Variants in P3H2 observed in about 807,000 individuals in gnomAD.
The protein encoded by P3H2 is leprecan-like 1.
A neutral mutation model predicts 87.0 loss-of-function variants in P3H2; 80 were observed. That is an observed-to-expected ratio of 0.92 (90% CI 0.77 to 1.11). The LOEUF (loss-of-function observed/expected upper bound fraction) is 1.11. Among genes scored for constraint, P3H2 ranks in the 50% least tolerant of loss-of-function variants. The pLI is 0.00. For synonymous variants in P3H2, 367 were observed against 359.3 expected (o/e 1.02, Z -0.24); for missense variants, 1,001 against 923.9 (o/e 1.08, Z -1.08).
At chr3:189,982,907 A>G (rs991066460) in intron 8 of P3H2, 139 bp downstream of exon 8, 1 of 596,314 alleles carries the variant, frequency 1.7e-6, no homozygotes, top group South Asian at 2.4e-5. Context: ...TTGCTTTCAG[A>G]CTATTAGGGA....
intron 1 of P3H2, among the ~76,000 whole-genome samples, chr3:190,012,766 CTGTTA>C (rs1724634040): frequency 6.6e-6 from 1 of 152,200 alleles, no homozygotes; most frequent in South Asian, 2.1e-4. Flanking sequence ...TAATCATCCA[CTGTTA>C]TGTCTGTATT....
chr3:189,969,118 A>G, intron 13 of P3H2: 2 of 551,248 alleles, frequency 3.6e-6, no homozygotes, highest in Non-Finnish European at 6.7e-6. Context: ...AGTGAGCAGT[A>G]AACTTTTGGC....
intron 8 of P3H2, among the ~76,000 whole-genome samples, chr3:189,977,118 G>A (rs1723372785): frequency 6.6e-6 from 1 of 152,126 alleles, no homozygotes; most frequent in African/African-American, 2.4e-5. Flanking sequence ...TTTACGATGG[G>A]CTGCAATGAT....
At chr3:190,104,782 C>G (rs910897366) in intron 1 of P3H2, among the ~76,000 whole-genome samples, 1 of 152,200 alleles carries the variant, frequency 6.6e-6, no homozygotes, top group Non-Finnish European at 1.5e-5. Context: ...CAGATGTCAT[C>G]TCATGGAGAC....
At chr3:190,033,600 T>C (rs915665300) in intron 1 of P3H2, among the ~76,000 whole-genome samples, 2 of 152,202 alleles carry the variant, frequency 1.3e-5, no homozygotes, top group Non-Finnish European at 2.9e-5. Flanking sequence ...CCATTCTGTA[T>C]TGTTTGGCCG....
chr3:190,062,087 G>A (rs990563054), intron 1 of P3H2, among the ~76,000 whole-genome samples: 4 of 152,036 alleles, frequency 2.6e-5, no homozygotes, highest in Non-Finnish European at 2.9e-5. Flanking sequence ...CAAAATCAAA[G>A]ATAATCAAAC....
intron 1 of P3H2, among the ~76,000 whole-genome samples, chr3:190,031,904 A>G (rs529236930): frequency 4.0e-4 from 61 of 152,326 alleles, no homozygotes; most frequent in African/African-American, 1.4e-3. Flanking sequence ...TGTAGAGGAG[A>G]CTAAAAAGAC....
chr3:190,095,085 G>T (rs187093209), intron 1 of P3H2, among the ~76,000 whole-genome samples: 5 of 151,804 alleles, frequency 3.3e-5, no homozygotes, highest in African/African-American at 1.2e-4. Context: ...GTTTTGACAG[G>T]CATATCTAAG....
intron 1 of P3H2, among the ~76,000 whole-genome samples, chr3:190,031,565 A>T (rs2108947626): frequency 6.6e-6 from 1 of 151,992 alleles, no homozygotes; most frequent in South Asian, 2.1e-4. Flanking sequence ...GGAACCTGGG[A>T]GGTAGAGGCT....
At position 189,994,086 on chromosome 3, in the gene P3H2, GC is replaced by G. The variant is rs1337157289; in HGVS notation, c.823+7del. ...AGAAAGAAATAAAATGAAAAATTAAGCTTTTACCTGCAATAGCTTCATACAG... is the reference window on the plus strand; with the variant it reads ...AGAAAGAAATAAAATGAAAAATTAAGTTTTACCTGCAATAGCTTCATACAG... On this transcript the variant is annotated splice_region_variant and intron_variant, in intron 3 of 14. Transcript: ENST00000319332. The G allele has an allele frequency of 1.3e-6, 2 of 1,598,780 alleles. No homozygotes were observed. The highest frequency in any genetic ancestry group is 1.7e-6 in the Non-Finnish European group (2 of 1,168,310).
At chr3:190,109,076 A>G (rs892139379) in intron 1 of P3H2, among the ~76,000 whole-genome samples, 1 of 152,238 alleles carries the variant, frequency 6.6e-6, no homozygotes. Context: ...TACAACATAG[A>G]TATCAGAGTG....
In P3H2 at chr3:189,964,099, C is replaced by G. The variant is rs1306621836; in HGVS notation, c.1894-1G>C. On this transcript the variant is annotated splice_acceptor_variant, in intron 13 of 14. Coordinates refer to ENST00000319332, the MANE Select transcript of P3H2 (RefSeq NM_018192.4). LOFTEE classifies it high-confidence loss of function. The stretch of plus-strand genomic sequence containing the variant: ...GCCCACATTTTGGTTTTATAGAGGC[C>G]TGAGAAAGAAAGCAAAAATTAGACT... 1 of 1,613,814 alleles carries G rather than the reference C, an allele frequency of 6.2e-7. No individual in the cohort carries two copies. The highest frequency in any genetic ancestry group is 8.5e-7 in the Non-Finnish European group (1 of 1,179,852).
chr3:190,073,481 T>A (rs996800789), intron 1 of P3H2, among the ~76,000 whole-genome samples: 3 of 152,174 alleles, frequency 2.0e-5, no homozygotes, highest in African/African-American at 7.2e-5. Flanking sequence ...GTTACAGGCA[T>A]GCTTGAGCAT....
chr3:189,964,693 G>C (rs1442778331), intron 13 of P3H2, among the ~76,000 whole-genome samples: 2 of 152,174 alleles, frequency 1.3e-5, no homozygotes, highest in Non-Finnish European at 2.9e-5. Flanking sequence ...TGGTCGTTTA[G>C]GCATTGTTTG....
At chr3:190,077,957 T>G (rs916783176) in intron 1 of P3H2, among the ~76,000 whole-genome samples, 21 of 152,292 alleles carry the variant, frequency 1.4e-4, no homozygotes, top group African/African-American at 4.8e-4. Flanking sequence ...GATAGCAACA[T>G]ATCATTAAAT....
intron 1 of P3H2, among the ~76,000 whole-genome samples, chr3:190,119,507 G>C (rs1360441352): frequency 1.3e-5 from 2 of 152,182 alleles, no homozygotes; most frequent in East Asian, 3.9e-4. Flanking sequence ...ACCTCCTGAC[G>C]CTAACTTTAG....
At chr3:190,070,540 G>A (rs1487314842) in intron 1 of P3H2, among the ~76,000 whole-genome samples, 1 of 152,130 alleles carries the variant, frequency 6.6e-6, no homozygotes, top group African/African-American at 2.4e-5. Flanking sequence ...CAGCATTATA[G>A]TCATAGTGCT....
chr3:190,035,374 G>A (rs9827116), intron 1 of P3H2, among the ~76,000 whole-genome samples: 34,526 of 151,916 alleles, frequency 0.23, 6,555 homozygotes, highest in African/African-American at 0.52. Context: ...ACCTGCCTCA[G>A]TATATTTGAC....
At chr3:189,999,409 C>G (rs1724144193) in intron 1 of P3H2, among the ~76,000 whole-genome samples, 2 of 152,214 alleles carry the variant, frequency 1.3e-5, no homozygotes, top group Non-Finnish European at 2.9e-5. Flanking sequence ...AAATAAACCA[C>G]TGTTTTAACT....
Sources: gnomAD v4.1 joint callset for allele counts (sites outside exome capture counted in the v4.1 genomes callset) on GRCh38, gnomAD v4.1.1 for gene constraint, MANE v1.5 for transcripts, NCBI Gene and HGNC (gene_info 2026-07-23, HGNC 2026-07-21) for gene names.